Variants in SIL1 observed in about 807,000 individuals in gnomAD.
SIL1 encodes SIL1 nucleotide exchange factor.
A neutral mutation model predicts 49.1 loss-of-function variants in SIL1; 40 were observed. That is an observed-to-expected ratio of 0.81 (90% confidence interval 0.63 to 1.06). The LOEUF (loss-of-function observed/expected upper bound fraction) is 1.06. Among genes scored for constraint, SIL1 ranks in the 50% least tolerant of loss-of-function variants. SIL1 has a pLI of 0.00. For synonymous variants in SIL1, 253 were observed against 250.8 expected (o/e 1.01, Z -0.08); for missense variants, 500 against 572.6 (o/e 0.87, Z 1.29).
intron 7 of SIL1, among the ~76,000 whole-genome samples, chr5:138,981,020 C>G (rs1329712785): frequency 6.6e-6 from 1 of 152,042 alleles, no homozygotes; most frequent in Non-Finnish European, 1.5e-5. Flanking sequence ...GCCTGGCCAA[C>G]ATGGAGAAAC....
At chr5:139,164,340 T>C (rs758992601) in intron 1 of SIL1, among the ~76,000 whole-genome samples, 34 of 151,986 alleles carry the variant, frequency 2.2e-4, no homozygotes, top group Non-Finnish European at 3.1e-4. Context: ...AACAGTTCTT[T>C]CTGGTTACTA....
At chr5:139,081,531 T>C (rs1024485309) in intron 3 of SIL1, among the ~76,000 whole-genome samples, 2 of 152,206 alleles carry the variant, frequency 1.3e-5, no homozygotes, top group African/African-American at 4.8e-5. Flanking sequence ...CACCCTGCTG[T>C]GCCATGAACC....
intron 7 of SIL1, among the ~76,000 whole-genome samples, chr5:138,986,643 A>G (rs919365642): frequency 6.6e-6 from 1 of 152,176 alleles, no homozygotes; most frequent in Non-Finnish European, 1.5e-5. Context: ...CAAGGATTCA[A>G]TTAATCATAA....
At chr5:139,082,552 G>T (rs1404573073) in intron 3 of SIL1, among the ~76,000 whole-genome samples, 1 of 152,220 alleles carries the variant, frequency 6.6e-6, no homozygotes, top group Non-Finnish European at 1.5e-5. Flanking sequence ...CATTATTAAA[G>T]CTCAAAAGAG....
chr5:139,026,984 C>T lies in SIL1; in HGVS notation c.462G>A (p.Gln154=). ...GGCGGAAGAGCCGCTTTACCTCAGC[C>T]TGCCTTGCCTAAGGAGAGCAGCAAA... ...MESSKEDKAR[Q]AEVKRLFRPI... is the part of the protein sequence containing the mutation. Residue 154 remains glutamine, a synonymous_variant, in exon 6 of 10, where the codon CAG becomes CAA. Transcript: ENST00000394817. 1 of 1,614,168 alleles carries T rather than the reference C, an allele frequency of 6.2e-7. No homozygotes were observed. Among genetic ancestry groups the T allele is most frequent in the Non-Finnish European group, 8.5e-7 (1 of 1,180,026 alleles).
intron 7 of SIL1, among the ~76,000 whole-genome samples, chr5:138,976,123 G>C (rs1337952818): frequency 3.9e-5 from 6 of 152,080 alleles, no homozygotes; most frequent in Non-Finnish European, 7.4e-5. Context: ...CACTATATGA[G>C]AAAAAACAAT....
At position 138,985,838 on chromosome 5, in the gene SIL1, C is replaced by T. The variant is rs994063360; in HGVS notation, c.768-33954G>A. The stretch of plus-strand genomic sequence containing the variant: ...AGATAAGTGGTGGCAGAGCTGTGGG[C>T]GGGAACGTGGACTTCCTCCCTCAGC... On this transcript the variant is annotated intron_variant, in intron 7 of 9. Coordinates refer to ENST00000394817, the MANE Select transcript of SIL1 (RefSeq NM_022464.5). 5.9e-5 allele frequency among the ~76,000 whole-genome samples: 9 copies of T among 152,246 alleles called. No individual in the cohort carries two copies. In the South Asian group the frequency reaches 8.3e-4, roughly 14 times the overall value.
intron 1 of SIL1, among the ~76,000 whole-genome samples, chr5:139,141,780 T>C (rs1751085231): frequency 2.0e-5 from 3 of 152,224 alleles, no homozygotes; most frequent in Non-Finnish European, 2.9e-5. Flanking sequence ...CATGTGAACT[T>C]AGAATTATGG....
At chr5:139,182,603 T>C (rs768076773) in intron 1 of SIL1, among the ~76,000 whole-genome samples, 11 of 152,212 alleles carry the variant, frequency 7.2e-5, no homozygotes, top group Non-Finnish European at 1.3e-4. Flanking sequence ...CTATCTCCAG[T>C]ACCTGGTGCC....
chr5:139,138,859 C>T (rs1751027429), intron 1 of SIL1, among the ~76,000 whole-genome samples: 2 of 152,206 alleles, frequency 1.3e-5, no homozygotes, highest in Admixed American at 1.3e-4. Flanking sequence ...AACCAAGCCC[C>T]TCTTTGGAGA....
At chr5:139,141,914 T>G (rs1751087298) in intron 1 of SIL1, among the ~76,000 whole-genome samples, 1 of 152,212 alleles carries the variant, frequency 6.6e-6, no homozygotes, top group Non-Finnish European at 1.5e-5. Flanking sequence ...ATCTCCTGAA[T>G]GGCTCAGAGG....
At chr5:139,066,454 T>G (rs889022027) in intron 3 of SIL1, among the ~76,000 whole-genome samples, 102 of 151,946 alleles carry the variant, frequency 6.7e-4, no homozygotes, top group African/African-American at 2.4e-3. Context: ...CCTCCCAAGC[T>G]CAAGTGACAG....
intron 7 of SIL1, among the ~76,000 whole-genome samples, chr5:138,960,422 T>C (rs1766993261): frequency 6.7e-6 from 1 of 150,054 alleles, no homozygotes; most frequent in African/African-American, 2.5e-5. Flanking sequence ...TCTTTTTTTT[T>C]TTTTTTTTTT....
chr5:139,039,716 G>A (rs997217264), intron 5 of SIL1, among the ~76,000 whole-genome samples: 11 of 152,066 alleles, frequency 7.2e-5, no homozygotes, highest in Admixed American at 2.0e-4. Context: ...GGGGAATAGG[G>A]AGAAATAAGT....
intron 1 of SIL1, among the ~76,000 whole-genome samples, chr5:139,140,025 C>A (rs1751049730): frequency 6.7e-6 from 1 of 150,316 alleles, no homozygotes; most frequent in Non-Finnish European, 1.5e-5. Context: ...AATCCCAGAA[C>A]TTTGGGAGGC....
chr5:139,081,101 T>G (rs547820549), intron 3 of SIL1, among the ~76,000 whole-genome samples: 62 of 152,282 alleles, frequency 4.1e-4, no homozygotes, highest in African/African-American at 1.4e-3. Flanking sequence ...ACGTGATAAA[T>G]TCCTGTCCTA....
chr5:139,145,639 T>C (rs1470021937), intron 1 of SIL1, among the ~76,000 whole-genome samples: 3 of 31,764 alleles, frequency 9.4e-5, no homozygotes, highest in Non-Finnish European at 6.2e-5. Context: ...CGTGTGTGTG[T>C]GTGTGTGTGT....
chr5:139,084,434 C>G (rs1770163445), intron 3 of SIL1, among the ~76,000 whole-genome samples: 1 of 93,058 alleles, frequency 1.1e-5, no homozygotes, highest in African/African-American at 4.2e-5. Context: ...CACATATACA[C>G]CATGGAATAC....
intron 3 of SIL1, among the ~76,000 whole-genome samples, chr5:139,079,290 C>T (rs1185365221): frequency 6.6e-6 from 1 of 152,172 alleles, no homozygotes; most frequent in African/African-American, 2.4e-5. Context: ...CTGCCAGTTC[C>T]AATTCAGGAG....
Sources: gnomAD v4.1 joint callset for allele counts (sites outside exome capture counted in the v4.1 genomes callset) on GRCh38, gnomAD v4.1.1 for gene constraint, MANE v1.5 for transcripts, NCBI Gene and HGNC (gene_info 2026-07-23, HGNC 2026-07-21) for gene names.